The following MYO10 variants were observed in gnomAD, a reference collection of about 807,000 sequenced individuals.
MYO10 encodes the protein unconventional myosin-X.
Under a neutral mutation model 257.3 loss-of-function variants are expected in MYO10, and 133 were observed. The ratio of observed to expected loss-of-function variants is 0.52; its 90% CI spans 0.45 to 0.60. MYO10 has a LOEUF of 0.60. Ranked by LOEUF, MYO10 falls within the 20% of genes least tolerant of loss-of-function variation. The pLI is 0.00. For missense variants in MYO10, 2,399 were observed against 2,635.7 expected, an observed-to-expected ratio of 0.91 and a Z score of 1.97; for synonymous variants, 1,104 against 1,028.6, an observed-to-expected ratio of 1.07 and a Z score of -1.40.
At chr5:16,837,917 T>C (rs1743362039) in intron 2 of MYO10, among the ~76,000 whole-genome samples, 1 of 152,056 alleles carries the variant, frequency 6.6e-6, no homozygotes, top group Admixed American at 6.6e-5. Context: ...AATTCAAACT[T>C]TTCCATTATT....
chr5:16,720,025 T>C (rs1739087408), intron 19 of MYO10, among the ~76,000 whole-genome samples: 1 of 134,790 alleles, frequency 7.4e-6, no homozygotes, highest in African/African-American at 3.6e-5. Flanking sequence ...TGTGTGTGTA[T>C]ATGTATGTAT....
Position 16,764,404 on chromosome 5 carries a change from A to G in MYO10, c.1180-8T>C. 4 of 1,613,554 alleles carry G rather than the reference A, an allele frequency of 2.5e-6. No homozygotes were observed. The highest frequency in any genetic ancestry group is 3.4e-6 in the Non-Finnish European group (4 of 1,179,738). On this transcript the variant is annotated splice_polypyrimidine_tract_variant and splice_region_variant and intron_variant, in intron 11 of 40. Transcript: ENST00000513610. ...GTCCCTGCTGTCTACTGCCTGTGGGAGAGAAACCAGCACAGACTCAGCTGA... is the reference window on the plus strand; with the variant it reads ...GTCCCTGCTGTCTACTGCCTGTGGGGGAGAAACCAGCACAGACTCAGCTGA...
At chr5:16,920,473 GAGA>G (rs1745951022) in intron 1 of MYO10, among the ~76,000 whole-genome samples, 1 of 152,092 alleles carries the variant, frequency 6.6e-6, no homozygotes, top group Non-Finnish European at 1.5e-5. Flanking sequence ...CAAAACTATA[GAGA>G]AGGAGAAAAA....
intron 1 of MYO10, among the ~76,000 whole-genome samples, chr5:16,897,097 A>ATCT (rs1265626387): frequency 3.9e-5 from 6 of 152,300 alleles, no homozygotes; most frequent in African/African-American, 1.4e-4. Context: ...ATCTACTACA[A>ATCT]AATGCTGGTA....
intron 2 of MYO10, among the ~76,000 whole-genome samples, chr5:16,821,385 T>C (rs556439592): frequency 1.1e-4 from 17 of 147,964 alleles, no homozygotes; most frequent in African/African-American, 4.0e-4. Context: ...AATAGGGCTA[T>C]AACCTGTAAA....
chr5:16,823,096 G>C (rs1343627126), intron 2 of MYO10, among the ~76,000 whole-genome samples: 1 of 151,850 alleles, frequency 6.6e-6, no homozygotes, highest in Non-Finnish European at 1.5e-5. Flanking sequence ...ACAATTAGCA[G>C]GGTATTAGTC....
intron 2 of MYO10, among the ~76,000 whole-genome samples, chr5:16,866,014 A>C (rs1451477288): frequency 7.3e-6 from 1 of 136,482 alleles, no homozygotes; most frequent in Non-Finnish European, 1.6e-5. Context: ...TATTTACCCA[A>C]ACACACACAC....
intron 31 of MYO10, 150 bp from the exon 32 acceptor site, chr5:16,681,653 C>T (rs992336751): frequency 3.4e-5 from 36 of 1,065,832 alleles, no homozygotes; most frequent in Admixed American, 5.7e-5. Flanking sequence ...GTAAATGGAA[C>T]GACTACATGA....
chr5:16,824,898 T>C (rs1742955508), intron 2 of MYO10, among the ~76,000 whole-genome samples: 1 of 151,794 alleles, frequency 6.6e-6, no homozygotes. Context: ...ACAAAAAAAC[T>C]TTCAAAAACA....
At chr5:16,760,778 A>G (rs2126648814) in intron 17 of MYO10, among the ~76,000 whole-genome samples, 1 of 152,194 alleles carries the variant, frequency 6.6e-6, no homozygotes, top group East Asian at 1.9e-4. Flanking sequence ...CAACCAGACC[A>G]GATCAAAACT....
At chr5:16,925,067 G>A (rs954313770) in intron 1 of MYO10, among the ~76,000 whole-genome samples, 3 of 152,068 alleles carry the variant, frequency 2.0e-5, no homozygotes, top group South Asian at 4.2e-4. Flanking sequence ...TCCTGACCTC[G>A]TGATCCGCCT....
chr5:16,758,907 A>G (rs558335445), intron 17 of MYO10, among the ~76,000 whole-genome samples: 22 of 150,872 alleles, frequency 1.5e-4, no homozygotes, highest in Non-Finnish European at 3.1e-4. Context: ...TAACAAGGTA[A>G]AAGTGAAAAG....
intron 27 of MYO10, among the ~76,000 whole-genome samples, chr5:16,693,543 T>C (rs551336592): frequency 3.7e-4 from 57 of 152,376 alleles, no homozygotes; most frequent in African/African-American, 1.2e-3. Flanking sequence ...AATGAATACT[T>C]TTCTGAAGTT....
chr5:16,740,638 G>A (rs1739984900), intron 19 of MYO10, among the ~76,000 whole-genome samples: 1 of 152,080 alleles, frequency 6.6e-6, no homozygotes, highest in South Asian at 2.1e-4. Flanking sequence ...AGCCACCGAG[G>A]CATTCAGCAG....
intron 3 of MYO10, among the ~76,000 whole-genome samples, chr5:16,796,259 G>C (rs1350613407): frequency 1.4e-5 from 2 of 147,358 alleles, no homozygotes; most frequent in Admixed American, 6.9e-5. Context: ...GAGAGAGAGA[G>C]AGAGAAAGAA....
At chr5:16,845,859 G>A (rs1038162291) in intron 2 of MYO10, among the ~76,000 whole-genome samples, 1 of 151,986 alleles carries the variant, frequency 6.6e-6, no homozygotes, top group South Asian at 2.1e-4. Context: ...AGCTACTCGG[G>A]AGGCTGAGGC....
At chr5:16,881,563 G>A (rs1420697520) in intron 1 of MYO10, among the ~76,000 whole-genome samples, 1 of 152,200 alleles carries the variant, frequency 6.6e-6, no homozygotes, top group Non-Finnish European at 1.5e-5. Flanking sequence ...ACAAACAGCT[G>A]TCTTCCACAG....
intron 17 of MYO10, among the ~76,000 whole-genome samples, chr5:16,760,470 A>C (rs189863162): frequency 2.6e-5 from 4 of 151,974 alleles, no homozygotes; most frequent in Admixed American, 1.3e-4. Context: ...CCAAAAAAAA[A>C]AAACAAACCA....
At chr5:16,719,936 C>CCTAGGCAAT (rs1201859822) in intron 19 of MYO10, among the ~76,000 whole-genome samples, 7 of 151,942 alleles carry the variant, frequency 4.6e-5, no homozygotes, top group Non-Finnish European at 8.8e-5. Flanking sequence ...TGCACTCCAG[C>CCTAGGCAAT]CTAGGCAATA....
Sources: allele counts gnomAD v4.1 joint callset (sites outside exome capture counted in the v4.1 genomes callset), GRCh38; gene constraint gnomAD v4.1.1; transcripts MANE v1.5; gene names NCBI Gene and HGNC (gene_info 2026-07-23, HGNC 2026-07-21).